NAA15: variants seen among roughly 807,000 people sequenced by gnomAD.
The protein encoded by NAA15 is N-terminal acetyltransferase.
A neutral mutation model predicts 114.0 loss-of-function variants in NAA15; 34 were observed. The ratio of observed to expected loss-of-function variants is 0.30; its 90% CI spans 0.23 to 0.40. The LOEUF (loss-of-function observed/expected upper bound fraction) is 0.40. NAA15 is among the 10% of genes least tolerant of loss of function. The pLI is 1.00. For synonymous variants in NAA15, 340 were observed against 338.0 expected (o/e 1.01, Z -0.06); for missense variants, 658 against 1,004.5 (o/e 0.66, Z 4.66).
chr4:139,327,891 C>G (rs192797766), intron 1 of NAA15, among the ~76,000 whole-genome samples: 1 of 152,132 alleles, frequency 6.6e-6, no homozygotes, highest in Non-Finnish European at 1.5e-5. Flanking sequence ...TCTTGAACTC[C>G]TGACCTCAGG....
chr4:139,364,398 A>G lies in NAA15; in HGVS notation c.1753+2461A>G, dbSNP rs764595685. Among the ~76,000 whole-genome samples, 14 of 151,956 alleles carry G rather than the reference A, an allele frequency of 9.2e-5. No individual in the cohort carries two copies. In the South Asian group the frequency reaches 1.2e-3, roughly 13 times the overall value. ...TTTCTTCTAATACTTCTGCTTTGCA[A>G]TTTTTTAGATTTGGCTCTTTAAACA... On this transcript the variant is annotated intron_variant, in intron 14 of 19. Transcript: ENST00000296543.
intron 1 of NAA15, among the ~76,000 whole-genome samples, chr4:139,331,441 CTTCT>C (rs1256824298): frequency 1.1e-3 from 170 of 150,596 alleles, no homozygotes; most frequent in African/African-American, 3.8e-3. Context: ...GTTTTTTTTT[CTTCT>C]TTCTTTCTTT....
chr4:139,386,084 A>C lies in NAA15; in HGVS notation c.2303-49A>C, dbSNP rs547916630. 1.0e-4 allele frequency: 96 copies of C among 946,782 alleles called. 1 individual carries two copies. Among genetic ancestry groups the C allele is most frequent in the Middle Eastern group, 2.2e-4 (1 of 4,612 alleles). The allele number at this position is 946,782 out of a possible 1,614,324, so 58.6% of individuals were successfully genotyped here. A position where few individuals can be genotyped will look rare whatever the true frequency, so the allele number is the denominator to read the frequency against. ...TTTATATTTAAATAAGTAGAGGATA[A>C]GATGTTGGTTTTACCTTGAAATAAA... On this transcript the variant is annotated intron_variant, in intron 18 of 19. Transcript: ENST00000296543.
intron 1 of NAA15, among the ~76,000 whole-genome samples, chr4:139,331,412 C>T (rs1232517437): frequency 3.3e-5 from 5 of 151,938 alleles, no homozygotes; most frequent in African/African-American, 1.2e-4. Flanking sequence ...CCTCATTCCT[C>T]AACATAATTA....
chr4:139,344,117 G>A, intron 5 of NAA15, 69 bp from the exon 6 acceptor site: 2 of 1,337,708 alleles, frequency 1.5e-6, no homozygotes, highest in East Asian at 2.4e-5. Context: ...ATGTTTTTGA[G>A]TATTGTGAAC....
intron 9 of NAA15, among the ~76,000 whole-genome samples, chr4:139,352,919 T>C (rs7670249): frequency 0.9 from 136,862 of 152,042 alleles, 61,710 homozygotes; most frequent in East Asian, 0.95. Flanking sequence ...CCACCCATCT[T>C]GGCCTCCCAA....
chr4:139,354,212 T>G, intron 10 of NAA15, 114 bp downstream of exon 10: 2 of 752,600 alleles, frequency 2.7e-6, no homozygotes, highest in East Asian at 2.6e-5. Context: ...TGCATTAAAT[T>G]TTTTTCTCTT....
At chr4:139,375,166 G>T (rs1748548187) in intron 15 of NAA15, among the ~76,000 whole-genome samples, 1 of 152,154 alleles carries the variant, frequency 6.6e-6, no homozygotes, top group Non-Finnish European at 1.5e-5. Context: ...GTAGAATATG[G>T]AGTCATGGGA....
intron 10 of NAA15, among the ~76,000 whole-genome samples, chr4:139,356,960 C>T (rs1439985004): frequency 6.7e-6 from 1 of 148,666 alleles, no homozygotes; most frequent in African/African-American, 2.5e-5. Context: ...GGTGCATTAG[C>T]TAGAAACTCA....
At position 139,387,978 on chromosome 4, in the gene NAA15, T is replaced by C. The variant is rs769180737; in HGVS notation, c.2495T>C (p.Phe832Ser). ...EIYRANCHKL[F>S]PYALAFMPPG... is the part of the protein sequence containing the mutation. ...TATAGAGCAAATTGTCATAAGCTTTTCCCTTATGCTTTGGCTTTCATGCCT... is the reference window on the plus strand; with the variant it reads ...TATAGAGCAAATTGTCATAAGCTTTCCCCTTATGCTTTGGCTTTCATGCCT... The change falls in exon 20 of 20, where the codon TTC becomes TCC. Residue 832 changes from phenylalanine to serine, a missense_variant. Physicochemically the swap from Phe to Ser is radical, Grantham distance 155. Around this residue, in one of 6 missense-constraint regions of NAA15, gnomAD observed 275 missense variants for 371.1 expected, o/e 0.74. Coordinates refer to ENST00000296543, the MANE Select transcript of NAA15 (RefSeq NM_057175.5). 1 of 1,614,034 alleles carries C rather than the reference T, an allele frequency of 6.2e-7. No individual in the cohort carries two copies. The highest frequency in any genetic ancestry group is 8.5e-7 in the Non-Finnish European group (1 of 1,179,914).
At chr4:139,340,347 T>A (rs1186231563) in intron 3 of NAA15, among the ~76,000 whole-genome samples, 1 of 152,058 alleles carries the variant, frequency 6.6e-6, no homozygotes, top group African/African-American at 2.4e-5. Context: ...GTTTTAATAA[T>A]TACGGTTAAA....
At chr4:139,378,706 G>A in intron 16 of NAA15, 50 bp from the exon 17 acceptor site, 1 of 1,166,168 alleles carries the variant, frequency 8.6e-7, no homozygotes, top group South Asian at 1.5e-5. Flanking sequence ...CCCTCCAAAG[G>A]AGGCCTCTTA....
chr4:139,362,857 G>A (rs1748173925), intron 14 of NAA15, among the ~76,000 whole-genome samples: 1 of 152,114 alleles, frequency 6.6e-6, no homozygotes, highest in African/African-American at 2.4e-5. Context: ...TGGCAAAAAT[G>A]TTGTAGGAAT....
At chr4:139,344,142 A>G (rs906948057) in intron 5 of NAA15, 44 bp from the exon 6 acceptor site, 11 of 1,499,474 alleles carry the variant, frequency 7.3e-6, no homozygotes, top group Admixed American at 6.5e-5. Context: ...TTCTGATATG[A>G]AAATAAAATT....
chr4:139,325,865 T>A (rs1234247396), intron 1 of NAA15, among the ~76,000 whole-genome samples: 3 of 152,116 alleles, frequency 2.0e-5, no homozygotes, highest in Non-Finnish European at 2.9e-5. Context: ...CCTCAAGCGA[T>A]CCTCTCACCT....
intron 1 of NAA15, among the ~76,000 whole-genome samples, chr4:139,314,906 G>A (rs1746330820): frequency 6.6e-6 from 1 of 151,734 alleles, no homozygotes; most frequent in African/African-American, 2.4e-5. Flanking sequence ...TCAATCTCTT[G>A]ACATTGTGAT....
At chr4:139,375,302 G>C (rs1476878693) in intron 15 of NAA15, among the ~76,000 whole-genome samples, 1 of 152,066 alleles carries the variant, frequency 6.6e-6, no homozygotes, top group Admixed American at 6.6e-5. Context: ...TTAATTTCTG[G>C]TTCTGGTTTA....
intron 1 of NAA15, among the ~76,000 whole-genome samples, chr4:139,329,593 T>G (rs938898298): frequency 1.3e-5 from 2 of 152,210 alleles, no homozygotes; most frequent in Non-Finnish European, 2.9e-5. Flanking sequence ...CAGTATTTAC[T>G]GAATTCTACA....
intron 10 of NAA15, among the ~76,000 whole-genome samples, chr4:139,357,129 T>C (rs147440405): frequency 0.011 from 1,625 of 152,286 alleles, 32 homozygotes; most frequent in African/African-American, 0.037. Flanking sequence ...TCTAGGTAGT[T>C]AGACCTTATT....
Sources: allele counts gnomAD v4.1 joint callset (sites outside exome capture counted in the v4.1 genomes callset), GRCh38; gene constraint gnomAD v4.1.1; regional missense constraint gnomAD v4.1.1; transcripts MANE v1.5; gene names NCBI Gene and HGNC (gene_info 2026-07-23, HGNC 2026-07-21).